Variants in ZNF619 observed in about 807,000 individuals in gnomAD.
ZNF619 encodes zinc finger protein 619.
Under a neutral mutation model 14.2 loss-of-function variants are expected in ZNF619, and 9 were observed. That is an observed-to-expected ratio of 0.64 (90% CI 0.38 to 1.11). The LOEUF is 1.11. ZNF619 is among the 50% of genes least tolerant of loss of function. The pLI is 0.01. For synonymous variants in ZNF619, 246 were observed against 252.8 expected, an observed-to-expected ratio of 0.97 and a Z score of 0.26; for missense variants, 659 against 680.1, an observed-to-expected ratio of 0.97 and a Z score of 0.34.
Position 40,488,396 on chromosome 3 carries a change from G to T in ZNF619, c.*155G>T. 1 of 584,562 alleles carries T rather than the reference G, an allele frequency of 1.7e-6. No homozygotes were observed. Among genetic ancestry groups the T allele is most frequent in the Non-Finnish European group, 3.0e-6 (1 of 331,338 alleles). The allele number at this position is 584,562 out of a possible 1,614,324, so 36.2% of individuals were successfully genotyped here. A position where few individuals can be genotyped will look rare whatever the true frequency, so the allele number is the denominator to read the frequency against. On this transcript the variant is annotated 3_prime_UTR_variant, in exon 5 of 5. Transcript: ENST00000432264. Reference sequence around the variant, plus strand: ...ATTCTCACGCTTAAGGACCATGTTTGATTAGTTTCTTTTATCCCCCGGTAG... The same window carrying T: ...ATTCTCACGCTTAAGGACCATGTTTTATTAGTTTCTTTTATCCCCCGGTAG...
chr3:40,482,539 G>A (rs374162183), intron 3 of ZNF619, 49 bp from the exon 4 acceptor site: 104 of 1,583,198 alleles, frequency 6.6e-5, no homozygotes, highest in Non-Finnish European at 6.9e-5. Flanking sequence ...TCTGAGGGAG[G>A]TCAGTGTTGA....
Position 40,486,894 on chromosome 3 carries a change from A to G in ZNF619, c.384A>G (p.Gly128=). 6.2e-7 allele frequency: 1 copy of G among 1,614,182 alleles called. No individual in the cohort carries two copies. Reference sequence around the variant, plus strand: ...AGTCCCACAGACTGATAGTGGAGGGACTGCTGATGGACGTTCCCCAGCACC... The same window carrying G: ...AGTCCCACAGACTGATAGTGGAGGGGCTGCTGATGGACGTTCCCCAGCACC... ...ESESHRLIVE[G]LLMDVPQHPD... Residue 128 remains glycine (G), a synonymous_variant, in exon 5 of 5, where the codon GGA becomes GGG. Transcript: ENST00000432264.
chr3:40,483,071 A>C (rs540905896), intron 4 of ZNF619, among the ~76,000 whole-genome samples: 144 of 152,272 alleles, frequency 9.5e-4, no homozygotes, highest in African/African-American at 3.4e-3. Context: ...TTAGCTGGGC[A>C]TGGTGGCATG....
Position 40,487,780 on chromosome 3 carries a change from G to C in ZNF619, c.1270G>C (p.Gly424Arg). Residue 424 changes from glycine (G) to arginine (R), a missense_variant, in exon 5 of 5, where the codon GGG becomes CGG. Transcript: ENST00000432264. ...RFIVHQRIHNGEKPYECQECG... is the reference protein window; with the variant it reads ...RFIVHQRIHNREKPYECQECG... ...CATAGTGCATCAGAGAATCCACAAT[G>C]GGGAGAAACCCTATGAATGCCAGGA... 1 of 1,614,138 alleles carries C rather than the reference G, an allele frequency of 6.2e-7. No individual in the cohort carries two copies.
chr3:40,478,139 G>T, intron 2 of ZNF619, 136 bp downstream of exon 2: 1 of 791,372 alleles, frequency 1.3e-6, no homozygotes. Flanking sequence ...AGTATGCGAG[G>T]GGAGTTGACG....
Position 40,487,312 on chromosome 3 carries a change from G to A in ZNF619, c.802G>A (p.Ala268Thr), listed in dbSNP as rs1246538986. ...KPYSCEECGQ[A>T]FSQNSHLLQH... ...ATACTCATGTGAGGAATGTGGACAA[G>A]CCTTCAGTCAAAATTCCCACCTTCT... is the stretch of plus-strand genomic sequence containing the variant. The change falls in exon 5 of 5, where the codon GCC becomes ACC. Residue 268 changes from alanine (A) to threonine (T), a missense_variant. Coordinates refer to ENST00000432264, the MANE Select transcript of ZNF619 (RefSeq NM_001145093.4). 1.9e-6 allele frequency: 3 copies of A among 1,614,018 alleles called. No individual in the cohort carries two copies. Among genetic ancestry groups the A allele is most frequent in the Non-Finnish European group, 1.7e-6 (2 of 1,180,032 alleles).
chr3:40,481,386 T>A (rs1575264313), intron 2 of ZNF619, among the ~76,000 whole-genome samples: 1 of 152,174 alleles, frequency 6.6e-6, no homozygotes, highest in African/African-American at 2.4e-5. Context: ...TAATAGCTTC[T>A]GATAAGGCAA....
At chr3:40,485,502 C>T (rs925223241) in intron 4 of ZNF619, among the ~76,000 whole-genome samples, 4 of 152,090 alleles carry the variant, frequency 2.6e-5, no homozygotes, top group African/African-American at 7.2e-5. Context: ...GGGGTTTTGC[C>T]ATGTTGGCCA....
intron 4 of ZNF619, chr3:40,483,532 G>A (rs972568710): frequency 2.0e-5 from 8 of 403,208 alleles, no homozygotes; most frequent in African/African-American, 8.4e-5. Context: ...CTCTTGGTCC[G>A]CCCCACCCTC....
chr3:40,481,238 A>G (rs982312596), intron 2 of ZNF619, among the ~76,000 whole-genome samples: 1 of 152,240 alleles, frequency 6.6e-6, no homozygotes, highest in Non-Finnish European at 1.5e-5. Context: ...AGAGGACAGC[A>G]TTGGCAGGTC....
At chr3:40,480,656 G>T (rs1376798742) in intron 2 of ZNF619, among the ~76,000 whole-genome samples, 2 of 151,948 alleles carry the variant, frequency 1.3e-5, no homozygotes, top group Non-Finnish European at 2.9e-5. Context: ...CTGCCACCAC[G>T]CCCGGCTAAT....
intron 4 of ZNF619, among the ~76,000 whole-genome samples, chr3:40,485,008 G>T (rs530550157): frequency 2.0e-4 from 30 of 152,184 alleles, no homozygotes; most frequent in African/African-American, 6.3e-4. Flanking sequence ...GCCTAGGCCA[G>T]TCTCAAATTC....
chr3:40,480,047 GAGAAGCT>G (rs1697333644), intron 2 of ZNF619, among the ~76,000 whole-genome samples: 1 of 152,182 alleles, frequency 6.6e-6, no homozygotes, highest in Non-Finnish European at 1.5e-5. Context: ...AGAAGATCTG[GAGAAGCT>G]AAGTGTTTCA....
chr3:40,486,267 G>T (rs1301760732), intron 4 of ZNF619, among the ~76,000 whole-genome samples: 1 of 152,000 alleles, frequency 6.6e-6, no homozygotes, highest in Non-Finnish European at 1.5e-5. Flanking sequence ...TTAACCATTT[G>T]CCTCAATTAA....
rs965177373 is a variant in ZNF619, at chr3:40,488,378, C to T, written c.*137C>T. The T allele has an allele frequency of 1.5e-5, 9 of 611,278 alleles. No individual in the cohort carries two copies. The highest frequency in any genetic ancestry group is 2.7e-5 in the East Asian group (1 of 37,450). The allele number at this position is 611,278 out of a possible 1,614,324, so 37.9% of individuals were successfully genotyped here. A position where few individuals can be genotyped will look rare whatever the true frequency, so the allele number is the denominator to read the frequency against. On this transcript the variant is annotated 3_prime_UTR_variant, in exon 5 of 5. Coordinates refer to ENST00000432264, the MANE Select transcript of ZNF619 (RefSeq NM_001145093.4). Reference sequence around the variant, plus strand: ...TTCCTAACTTCATTTTAAATTCTCACGCTTAAGGACCATGTTTGATTAGTT... The same window carrying T: ...TTCCTAACTTCATTTTAAATTCTCATGCTTAAGGACCATGTTTGATTAGTT...
At chr3:40,485,649 C>G (rs1697556339) in intron 4 of ZNF619, among the ~76,000 whole-genome samples, 1 of 148,844 alleles carries the variant, frequency 6.7e-6, no homozygotes, top group South Asian at 2.1e-4. Flanking sequence ...TCGGTTTCAG[C>G]TGTGTGTGTG....
rs1697707316 is a variant in ZNF619, at chr3:40,488,283, G to T, written c.*42G>T. The T allele has an allele frequency of 1.1e-6, 1 of 931,692 alleles. No homozygotes were observed. The highest frequency in any genetic ancestry group is 2.4e-5 in the East Asian group (1 of 41,690). The allele number at this position is 931,692 out of a possible 1,614,324, so 57.7% of individuals were successfully genotyped here. A position where few individuals can be genotyped will look rare whatever the true frequency, so the allele number is the denominator to read the frequency against. On this transcript the variant is annotated 3_prime_UTR_variant, in exon 5 of 5. Coordinates refer to ENST00000432264, the MANE Select transcript of ZNF619 (RefSeq NM_001145093.4). ...AAAATCCTTTGCACCTCAAGTTAGG[G>T]ATTCCACTGGTCTCCTGATTGTGTC... is the stretch of plus-strand genomic sequence containing the variant.
At chr3:40,483,585 C>A (rs1464102265) in intron 4 of ZNF619, 2 of 440,402 alleles carry the variant, frequency 4.5e-6, no homozygotes, top group Non-Finnish European at 9.0e-6. Context: ...GGCACCATGC[C>A]TGGCCAAGCA....
rs932945061 is a variant in ZNF619 at position 40,487,912 on chromosome 3, A to G, written c.1402A>G (p.Asn468Asp). 1.2e-6 allele frequency: 2 copies of G among 1,614,084 alleles called. No homozygotes were observed. The highest frequency in any genetic ancestry group is 2.7e-5 in the African/African-American group (2 of 74,926). ...CKECGKAFRW[N>D]ASFIQHQKWH... ...GGAGTGCGGGAAAGCCTTCAGATGG[A>G]ATGCAAGTTTCATCCAGCATCAGAA... Residue 468 changes from asparagine to aspartate, a missense_variant, in exon 5 of 5, where the codon AAT (asparagine) becomes GAT (aspartate). By Grantham distance (23) the Asn-to-Asp change is conservative (BLOSUM62 1). Coordinates refer to ENST00000432264, the MANE Select transcript of ZNF619 (RefSeq NM_001145093.4).
Sources: gnomAD v4.1 joint callset for allele counts (sites outside exome capture counted in the v4.1 genomes callset) on GRCh38, gnomAD v4.1.1 for gene constraint, MANE v1.5 for transcripts, NCBI Gene and HGNC (gene_info 2026-07-23, HGNC 2026-07-21) for gene names.